Variants in TMPRSS11F observed in about 807,000 individuals in gnomAD.
TMPRSS11F encodes transmembrane protease serine 11F.
A neutral mutation model predicts 60.2 loss-of-function variants in TMPRSS11F; 47 were observed. The observed-to-expected ratio is 0.78, with a 90% CI of 0.62 to 1.00. The LOEUF (loss-of-function observed/expected upper bound fraction) is 1.00. Ranked by LOEUF, TMPRSS11F falls within the 50% of genes least tolerant of loss-of-function variation. The pLI is 0.00. For missense variants in TMPRSS11F, 519 were observed against 522.9 expected (o/e 0.99, Z 0.07); for synonymous variants, 166 against 167.3 (o/e 0.99, Z 0.06).
chr4:68,066,891 G>A (rs1025010514), intron 7 of TMPRSS11F, among the ~76,000 whole-genome samples: 1 of 148,348 alleles, frequency 6.7e-6, no homozygotes, highest in Non-Finnish European at 1.5e-5. Flanking sequence ...CTGAGATAGT[G>A]CCACTGCACT....
intron 1 of TMPRSS11F, among the ~76,000 whole-genome samples, chr4:68,101,905 T>C (rs1211412908): frequency 2.6e-5 from 4 of 152,124 alleles, no homozygotes; most frequent in Non-Finnish European, 5.9e-5. Context: ...TTATTACCTA[T>C]AGTCCTCATG....
intron 1 of TMPRSS11F, among the ~76,000 whole-genome samples, chr4:68,122,160 T>C (rs1724636696): frequency 6.6e-6 from 1 of 152,196 alleles, no homozygotes. Flanking sequence ...ATAGAATAAT[T>C]ACATTTTAAC....
rs35054366 is a variant in TMPRSS11F, at chr4:68,097,426, T to C, written c.163+1461A>G. On this transcript the variant is annotated intron_variant, in intron 2 of 9. Coordinates refer to ENST00000356291, the MANE Select transcript of TMPRSS11F (RefSeq NM_207407.2). ...TCCTCCCATTCTCCTCTTGCTTTTG[T>C]TGTTCTTCCTCCTTTGACCTTCTTT... Among the ~76,000 whole-genome samples, 787 of 152,302 alleles carry C rather than the reference T, an allele frequency of 5.2e-3. 7 individuals are homozygous for C. Among genetic ancestry groups the C allele is most frequent in the African/African-American group, 0.018 (744 of 41,570 alleles).
At chr4:68,123,917 T>C (rs1724667645) in intron 1 of TMPRSS11F, among the ~76,000 whole-genome samples, 1 of 152,160 alleles carries the variant, frequency 6.6e-6, no homozygotes, top group African/African-American at 2.4e-5. Flanking sequence ...ATATTTAATC[T>C]ATTTTTAAAA....
At chr4:68,057,577 C>G (rs1417065682) in intron 9 of TMPRSS11F, among the ~76,000 whole-genome samples, 4 of 152,024 alleles carry the variant, frequency 2.6e-5, no homozygotes, top group African/African-American at 9.7e-5. Flanking sequence ...AGACAACTCA[C>G]AGAATGGGAA....
intron 9 of TMPRSS11F, among the ~76,000 whole-genome samples, chr4:68,056,561 C>T (rs1723051017): frequency 6.6e-6 from 1 of 151,776 alleles, no homozygotes. Context: ...AAAAGATACT[C>T]CATGTTTATG....
At chr4:68,068,481 A>G in intron 7 of TMPRSS11F, 137 bp downstream of exon 7, 1 of 661,978 alleles carries the variant, frequency 1.5e-6, no homozygotes, top group Non-Finnish European at 2.6e-6. Flanking sequence ...GGGAAGCATA[A>G]TCCATTTAGG....
At chr4:68,106,606 G>C (rs1724306069) in intron 1 of TMPRSS11F, among the ~76,000 whole-genome samples, 1 of 152,116 alleles carries the variant, frequency 6.6e-6, no homozygotes, top group Non-Finnish European at 1.5e-5. Context: ...TGCGGGGGGA[G>C]GGGTTACAAC....
intron 1 of TMPRSS11F, among the ~76,000 whole-genome samples, chr4:68,117,230 G>A (rs866700708): frequency 3.3e-5 from 5 of 152,162 alleles, no homozygotes; most frequent in South Asian, 4.1e-4. Context: ...CACTTTGGGA[G>A]GCCGAGGGGG....
rs1330445293 is a variant in TMPRSS11F at position 68,073,958 on chromosome 4, G to A, written c.334C>T (p.His112Tyr). ...TTTACATACCTTAATTTGATAACAT[G>A]AGATTTGATAAATCGACCGCCTACA... Reference protein sequence around the residue: ...SSVGGRFIKSHVIKLSPDEQG... With the variant: ...SSVGGRFIKSYVIKLSPDEQG... The change falls in exon 4 of 10, where the codon CAT becomes TAT. Residue 112 changes from histidine to tyrosine, a missense_variant. By Grantham distance (83) the His-to-Tyr change is moderately conservative. Coordinates refer to ENST00000356291, the MANE Select transcript of TMPRSS11F (RefSeq NM_207407.2). 2 of 1,578,970 alleles carry A rather than the reference G, an allele frequency of 1.3e-6. No homozygotes were observed. The highest frequency in any genetic ancestry group is 1.7e-6 in the Non-Finnish European group (2 of 1,165,050).
intron 3 of TMPRSS11F, among the ~76,000 whole-genome samples, chr4:68,084,882 C>A (rs866574061): frequency 0.034 from 4,096 of 121,138 alleles, 200 homozygotes; most frequent in African/African-American, 0.11. Context: ...TATCCCTCCC[C>A]CCTCCCCCCA....
intron 6 of TMPRSS11F, 57 bp downstream of exon 6, chr4:68,069,912 T>A (rs775256121): frequency 3.0e-5 from 43 of 1,439,506 alleles, no homozygotes; most frequent in Non-Finnish European, 3.8e-5. Context: ...TTTCTATAAC[T>A]TTTTTCATGA....
intron 8 of TMPRSS11F, chr4:68,063,287 C>G (rs1183942234): frequency 1.8e-6 from 1 of 553,390 alleles, no homozygotes; most frequent in Non-Finnish European, 3.6e-6. Context: ...CACCATGGAC[C>G]GCACCAACTG....
In TMPRSS11F at chr4:68,070,886, C is replaced by T. The variant is rs372195439; in HGVS notation, c.515-879G>A. Among the ~76,000 whole-genome samples, 24 of 152,236 alleles carry T rather than the reference C, an allele frequency of 1.6e-4. No individual in the cohort carries two copies. In the South Asian group the frequency reaches 2.3e-3, roughly 14 times the overall value. ...ATGGATATGTCTATTTAACAAAATA[C>T]ATGTATGTGGCAGAAGAAAACATAC... On this transcript the variant is annotated intron_variant, in intron 5 of 9. Coordinates refer to ENST00000356291, the MANE Select transcript of TMPRSS11F (RefSeq NM_207407.2).
intron 1 of TMPRSS11F, among the ~76,000 whole-genome samples, chr4:68,118,152 T>C (rs1032872962): frequency 6.6e-6 from 1 of 152,176 alleles, no homozygotes. Flanking sequence ...CTGGATCAAA[T>C]GCCACTGAGA....
At chr4:68,118,378 T>C (rs931762795) in intron 1 of TMPRSS11F, among the ~76,000 whole-genome samples, 4 of 152,174 alleles carry the variant, frequency 2.6e-5, no homozygotes, top group African/African-American at 7.2e-5. Flanking sequence ...TCAAACTGTA[T>C]TATAACACAA....
intron 3 of TMPRSS11F, among the ~76,000 whole-genome samples, chr4:68,088,813 A>G (rs1340411497): frequency 7.1e-6 from 1 of 141,830 alleles, no homozygotes; most frequent in Non-Finnish European, 1.5e-5. Context: ...AATAGCCACA[A>G]AAAGAATAAA....
rs1724467869 is a variant in TMPRSS11F, at chr4:68,114,273, G to C, written c.12-15235C>G. On this transcript the variant is annotated intron_variant, in intron 1 of 9. Transcript: ENST00000356291. ...AAATAATAAAGAAACTGATGAAATT[G>C]AAAACAGTAGAAAAGTCAATAGAAA... Among the ~76,000 whole-genome samples, 6 of 151,724 alleles carry C rather than the reference G, an allele frequency of 4.0e-5. No individual in the cohort carries two copies. The South Asian group carries it at 1.2e-3, about 31-fold the overall frequency.
chr4:68,105,368 A>T (rs1724284726), intron 1 of TMPRSS11F, among the ~76,000 whole-genome samples: 2 of 152,124 alleles, frequency 1.3e-5, no homozygotes, highest in South Asian at 2.1e-4. Flanking sequence ...TAAAAGTTAA[A>T]CAGAAAACGT....
Sources: gnomAD v4.1 joint callset for allele counts (sites outside exome capture counted in the v4.1 genomes callset) on GRCh38, gnomAD v4.1.1 for gene constraint, MANE v1.5 for transcripts, NCBI Gene and HGNC (gene_info 2026-07-23, HGNC 2026-07-21) for gene names.